The following FAXC variants were observed in gnomAD, a reference collection of about 807,000 sequenced individuals.
FAXC encodes failed axon connections homolog.
A neutral mutation model predicts 41.9 loss-of-function variants in FAXC; 10 were observed. The ratio of observed to expected loss-of-function variants is 0.24; its 90% CI spans 0.15 to 0.41. The LOEUF (loss-of-function observed/expected upper bound fraction) is 0.41. Among genes scored for constraint, FAXC ranks in the 10% least tolerant of loss-of-function variants. FAXC has a pLI of 1.00. For missense variants in FAXC, 399 were observed against 510.9 expected, an observed-to-expected ratio of 0.78 and a Z score of 2.11; for synonymous variants, 183 against 183.8, an observed-to-expected ratio of 1.00 and a Z score of 0.03.
intron 4 of FAXC, among the ~76,000 whole-genome samples, chr6:99,318,837 G>T (rs1480596765): frequency 2.6e-5 from 4 of 152,102 alleles, no homozygotes; most frequent in Non-Finnish European, 5.9e-5. Context: ...TGTGAACCCG[G>T]GATCTGACTC....
intron 3 of FAXC, among the ~76,000 whole-genome samples, chr6:99,332,180 A>G (rs1773050274): frequency 6.6e-6 from 1 of 152,178 alleles, no homozygotes; most frequent in African/African-American, 2.4e-5. Flanking sequence ...GAAGAGGGTC[A>G]CTTAAAATCC....
At chr6:99,342,772 A>G (rs1773469026) in intron 2 of FAXC, 126 bp downstream of exon 2, 12 of 774,340 alleles carry the variant, frequency 1.5e-5, no homozygotes, top group Non-Finnish European at 2.4e-5. Flanking sequence ...AGGATTAGGC[A>G]CTGCTAGTTT....
At chr6:99,324,098 G>A (rs1772698344) in intron 3 of FAXC, among the ~76,000 whole-genome samples, 1 of 151,944 alleles carries the variant, frequency 6.6e-6, no homozygotes, top group South Asian at 2.1e-4. Flanking sequence ...TGAGCAAAAT[G>A]ATGGTTCCAC....
chr6:99,345,721 C>G (rs1773567097), intron 1 of FAXC, among the ~76,000 whole-genome samples: 2 of 152,206 alleles, frequency 1.3e-5, no homozygotes, highest in Non-Finnish European at 1.5e-5. Context: ...ACTAAATGCT[C>G]TAGAAGAGGC....
In FAXC at chr6:99,310,435, T is replaced by C. The variant is rs564350732; in HGVS notation, c.823+13009A>G. On this transcript the variant is annotated intron_variant, in intron 4 of 5. Transcript: ENST00000389677. ...CAGACCCCTTTCCCAGAGGCTGAAT[T>C]ATCTGTTCTGGTGTGGTGCCCGCAT... Among the ~76,000 whole-genome samples the C allele has an allele frequency of 3.3e-3, 496 of 152,316 alleles. 2 individuals carry two copies. Among genetic ancestry groups the C allele is most frequent in the Non-Finnish European group, 5.9e-3 (403 of 68,028 alleles).
At chr6:99,348,252 G>A (rs1582698316) in intron 1 of FAXC, among the ~76,000 whole-genome samples, 1 of 152,198 alleles carries the variant, frequency 6.6e-6, no homozygotes, top group Non-Finnish European at 1.5e-5. Flanking sequence ...AGTGACGGAA[G>A]GCTCAAATGC....
At chr6:99,341,762 A>C (rs973344881) in intron 2 of FAXC, among the ~76,000 whole-genome samples, 1 of 152,210 alleles carries the variant, frequency 6.6e-6, no homozygotes, top group African/African-American at 2.4e-5. Context: ...ATCTATAGAG[A>C]GCTCTCTATA....
intron 4 of FAXC, among the ~76,000 whole-genome samples, chr6:99,320,165 GT>G (rs1207087613): frequency 6.6e-6 from 1 of 152,076 alleles, no homozygotes; most frequent in Non-Finnish European, 1.5e-5. Context: ...CTTCCATCGG[GT>G]TCAGGAACTA....
intron 5 of FAXC, among the ~76,000 whole-genome samples, chr6:99,290,431 G>C (rs906354687): frequency 6.6e-6 from 1 of 152,112 alleles, no homozygotes; most frequent in African/African-American, 2.4e-5. Flanking sequence ...GCCGGGCGTG[G>C]TGGCTCATGC....
At chr6:99,325,880 G>A (rs975735858) in intron 3 of FAXC, among the ~76,000 whole-genome samples, 4 of 152,162 alleles carry the variant, frequency 2.6e-5, no homozygotes, top group Non-Finnish European at 5.9e-5. Context: ...CTAAGCTGAC[G>A]GGTTAGAAGG....
chr6:99,298,647 C>T (rs1771585943), intron 4 of FAXC, among the ~76,000 whole-genome samples: 1 of 152,218 alleles, frequency 6.6e-6, no homozygotes, highest in East Asian at 1.9e-4. Context: ...ACTTTTCTGT[C>T]CATCTGGTAC....
At position 99,297,137 on chromosome 6, in the gene FAXC, C is replaced by T. The variant is rs1286306921; in HGVS notation, c.824-5317G>A. On this transcript the variant is annotated intron_variant, in intron 4 of 5. Transcript: ENST00000389677. ...AGTGAACTTGATTAACCCAAGGCTGCTTATCCTGACTGCCAAGCTTGACCA... is the reference window on the plus strand; with the variant it reads ...AGTGAACTTGATTAACCCAAGGCTGTTTATCCTGACTGCCAAGCTTGACCA... 5.3e-5 allele frequency among the ~76,000 whole-genome samples: 8 copies of T among 152,310 alleles called. No individual in the cohort carries two copies. The South Asian group carries it at 1.7e-3, about 32-fold the overall frequency.
At chr6:99,337,588 CA>C (rs1398047292) in intron 2 of FAXC, among the ~76,000 whole-genome samples, 1 of 152,064 alleles carries the variant, frequency 6.6e-6, no homozygotes, top group Non-Finnish European at 1.5e-5. Context: ...GACCATATAT[CA>C]TCTACACATA....
chr6:99,348,010 G>A (rs1391809429), intron 1 of FAXC, among the ~76,000 whole-genome samples: 1 of 152,126 alleles, frequency 6.6e-6, no homozygotes, highest in Non-Finnish European at 1.5e-5. Flanking sequence ...TTCAGAGATG[G>A]GAACTATTCA....
Position 99,279,305 on chromosome 6 carries a change from T to A in FAXC, c.*1859A>T. On this transcript the variant is annotated 3_prime_UTR_variant, in exon 6 of 6. Transcript: ENST00000389677. ...AACTAAGTTTCCCATGGAATAAGAA[T>A]TTCTAACTTAGGGTATCTCAGCACG... The A allele has an allele frequency of 6.6e-6, 1 of 152,216 alleles. No homozygotes were observed. The highest frequency in any genetic ancestry group is 1.9e-4 in the East Asian group (1 of 5,200). The allele number at this position is 152,216 out of a possible 1,614,324, so 9.4% of individuals were successfully genotyped here.
In FAXC at chr6:99,288,306, G is replaced by A. The variant is rs557984242; in HGVS notation, c.940+3398C>T. On this transcript the variant is annotated intron_variant, in intron 5 of 5. Coordinates refer to ENST00000389677, the MANE Select transcript of FAXC (RefSeq NM_032511.4). ...CACATATGTGTGTATGTAGGGATGT[G>A]TTTGGGTAGAAGTGTAGGTATATCT... Among the ~76,000 whole-genome samples the A allele has an allele frequency of 9.2e-5, 14 of 152,322 alleles. No homozygotes were observed. The East Asian group carries it at 2.7e-3, about 29-fold the overall frequency.
intron 4 of FAXC, among the ~76,000 whole-genome samples, chr6:99,305,938 C>T (rs1771903183): frequency 6.6e-6 from 1 of 151,986 alleles, no homozygotes; most frequent in Non-Finnish European, 1.5e-5. Context: ...ACGGAGTTTA[C>T]ATCACATGAA....
At chr6:99,299,694 A>T (rs1032179127) in intron 4 of FAXC, among the ~76,000 whole-genome samples, 2 of 152,204 alleles carry the variant, frequency 1.3e-5, no homozygotes, top group Non-Finnish European at 2.9e-5. Flanking sequence ...GCACACACTT[A>T]AAACTTTTTT....
chr6:99,349,410 G>T lies in FAXC; in HGVS notation c.-38C>A. The T allele has an allele frequency of 1.3e-6, 2 of 1,520,220 alleles. No individual in the cohort carries two copies. The highest frequency in any genetic ancestry group is 2.5e-5 in the South Asian group (2 of 79,144). 94.2% of individuals were successfully genotyped at this position (1,520,220 alleles called of 1,614,324 possible). ...GCTCCGGGCGCCCCTCCCAGGGCCCGCGCCGCCCGCATGGGAAGGGGCCGG... is the reference window on the plus strand; with the variant it reads ...GCTCCGGGCGCCCCTCCCAGGGCCCTCGCCGCCCGCATGGGAAGGGGCCGG... On this transcript the variant is annotated 5_prime_UTR_variant, in exon 1 of 6. Coordinates refer to ENST00000389677, the MANE Select transcript of FAXC (RefSeq NM_032511.4).
Sources: allele counts gnomAD v4.1 joint callset (sites outside exome capture counted in the v4.1 genomes callset), GRCh38; gene constraint gnomAD v4.1.1; transcripts MANE v1.5; gene names NCBI Gene and HGNC (gene_info 2026-07-23, HGNC 2026-07-21).